The following NDFIP2 variants were observed in gnomAD, a reference collection of about 807,000 sequenced individuals.
The protein encoded by NDFIP2 is NEDD4 family-interacting protein 2.
In NDFIP2, 19 loss-of-function variants were observed where a neutral mutation model predicts 36.0. That is an observed-to-expected ratio of 0.53 (90% CI 0.37 to 0.77). NDFIP2 has a LOEUF of 0.77. NDFIP2 is among the 30% of genes least tolerant of loss of function. The pLI, the probability that NDFIP2 is intolerant of heterozygous loss-of-function variation, is 0.00. For synonymous variants in NDFIP2, 181 were observed against 167.7 expected, an observed-to-expected ratio of 1.08 and a Z score of -0.61; for missense variants, 446 against 435.8, an observed-to-expected ratio of 1.02 and a Z score of -0.21.
intron 1 of NDFIP2, among the ~76,000 whole-genome samples, chr13:79,485,314 C>A (rs949118266): frequency 2.0e-5 from 3 of 152,090 alleles, no homozygotes; most frequent in African/African-American, 7.2e-5. Context: ...GATCTTTGTT[C>A]CCTGTGTAAC....
chr13:79,496,514 C>G (rs994664123), intron 1 of NDFIP2, among the ~76,000 whole-genome samples: 1 of 151,730 alleles, frequency 6.6e-6, no homozygotes, highest in African/African-American at 2.4e-5. Flanking sequence ...AATGATAAGT[C>G]TAGGTGTAAT....
chr13:79,496,982 C>G (rs1344343493), intron 1 of NDFIP2, among the ~76,000 whole-genome samples: 1 of 151,782 alleles, frequency 6.6e-6, no homozygotes, highest in Non-Finnish European at 1.5e-5. Flanking sequence ...CTTTATAATC[C>G]TTATATGTTA....
intron 1 of NDFIP2, among the ~76,000 whole-genome samples, chr13:79,501,914 T>G (rs1217603818): frequency 1.3e-5 from 2 of 152,118 alleles, no homozygotes; most frequent in African/African-American, 4.8e-5. Context: ...ATAGACTGTG[T>G]TGACTTTTCC....
rs908309160 is a variant in NDFIP2 at position 79,554,484 on chromosome 13, A to G, written c.*1971A>G. 1.3e-5 allele frequency: 2 copies of G among 151,782 alleles called. No homozygotes were observed. The highest frequency in any genetic ancestry group is 1.3e-4 in the Admixed American group (2 of 15,214). 9.4% of individuals were successfully genotyped at this position (151,782 alleles called of 1,614,324 possible). A position where few individuals can be genotyped will look rare whatever the true frequency, so the allele number is the denominator to read the frequency against. On this transcript the variant is annotated 3_prime_UTR_variant, in exon 8 of 8. Coordinates refer to ENST00000218652, the MANE Select transcript of NDFIP2 (RefSeq NM_019080.3). ...ATATGTGCTTGTTTTCTGAATATGG[A>G]TACATGTTACTTTTGATCCAGCATC...
At chr13:79,548,935 A>G (rs755398239) in intron 6 of NDFIP2, among the ~76,000 whole-genome samples, 4 of 151,952 alleles carry the variant, frequency 2.6e-5, no homozygotes, top group Non-Finnish European at 4.4e-5. Context: ...TGGATTTTCA[A>G]TTTTTGTTCC....
rs953346670 is a variant in NDFIP2, at chr13:79,555,891, G to A, written c.*3378G>A. The A allele has an allele frequency of 1.3e-5, 2 of 152,040 alleles. No homozygotes were observed. The highest frequency in any genetic ancestry group is 2.4e-5 in the African/African-American group (1 of 41,398). The allele number at this position is 152,040 out of a possible 1,614,324, so 9.4% of individuals were successfully genotyped here. A position where few individuals can be genotyped will look rare whatever the true frequency, so the allele number is the denominator to read the frequency against. On this transcript the variant is annotated 3_prime_UTR_variant, in exon 8 of 8. Transcript: ENST00000218652. ...CCTTTTCAAAATCAGTTTAAGATTC[G>A]CATATTATCATGACTGTGACCTCAC...
rs3814278 is a variant in NDFIP2 at position 79,481,276 on chromosome 13, G to C, written c.73G>C (p.Glu25Gln). 9 of 1,537,612 alleles carry C rather than the reference G, an allele frequency of 5.9e-6. No individual in the cohort carries two copies. Among genetic ancestry groups the C allele is most frequent in the African/African-American group, 4.1e-5 (3 of 73,048 alleles). The change falls in exon 1 of 8, where the codon GAG (glutamate) becomes CAG (glutamine). Residue 25 changes from glutamate to glutamine, a missense_variant. Glu to Gln is a conservative substitution (Grantham distance 29). Around this residue, in one of 2 missense-constraint regions of NDFIP2, gnomAD observed 369 missense variants for 304.8 expected, o/e 1.21. Transcript: ENST00000218652. ...GCTCAATAGCGCGCGCGGCGCCCCG[G>C]AGCTTCTCCGCGGAACCGCGACCAA... is the stretch of plus-strand genomic sequence containing the variant. ...SMLNSARGAPELLRGTATNAE... is the reference protein window; with the variant it reads ...SMLNSARGAPQLLRGTATNAE...
chr13:79,530,013 C>T (rs1874951284), intron 2 of NDFIP2, among the ~76,000 whole-genome samples: 2 of 152,180 alleles, frequency 1.3e-5, no homozygotes, highest in African/African-American at 4.8e-5. Context: ...TAAAACTTTA[C>T]TGCTAAAAGA....
intron 2 of NDFIP2, among the ~76,000 whole-genome samples, chr13:79,533,053 C>T (rs1323969348): frequency 6.6e-6 from 1 of 152,128 alleles, no homozygotes; most frequent in African/African-American, 2.4e-5. Context: ...TCTTGTCTGG[C>T]ACTCTTTTTC....
chr13:79,524,533 G>A (rs1276821622), intron 2 of NDFIP2, among the ~76,000 whole-genome samples: 1 of 152,214 alleles, frequency 6.6e-6, no homozygotes, highest in African/African-American at 2.4e-5. Flanking sequence ...TCAAGGGACT[G>A]AAGCAATGAG....
At chr13:79,517,837 ATGTATTCAATGTAGTAAAGAG>A (rs1874412029) in intron 1 of NDFIP2, among the ~76,000 whole-genome samples, 1 of 152,200 alleles carries the variant, frequency 6.6e-6, no homozygotes, top group South Asian at 2.1e-4. Context: ...GAGCACATTT[ATGTATTCAATGTAGTAAAGAG>A]TGTTTTTTTT....
chr13:79,523,021 A>G (rs73551602), intron 2 of NDFIP2, among the ~76,000 whole-genome samples: 10,127 of 152,112 alleles, frequency 0.067, 708 homozygotes, highest in African/African-American at 0.17. Context: ...CTCCTTCTAC[A>G]GTCTCTCCTA....
chr13:79,490,136 C>G (rs558037590), intron 1 of NDFIP2, among the ~76,000 whole-genome samples: 38 of 152,194 alleles, frequency 2.5e-4, no homozygotes, highest in Non-Finnish European at 4.3e-4. Flanking sequence ...CCTTGCCTTT[C>G]CCTAGTTGTA....
chr13:79,483,849 G>A (rs2079828815), intron 1 of NDFIP2, among the ~76,000 whole-genome samples: 2 of 152,028 alleles, frequency 1.3e-5, no homozygotes, highest in Admixed American at 1.3e-4. Flanking sequence ...ATTCTTGATT[G>A]TTACCCTTCT....
chr13:79,548,448 A>C, intron 6 of NDFIP2, 54 bp downstream of exon 6: 1 of 1,313,028 alleles, frequency 7.6e-7, no homozygotes, highest in Non-Finnish European at 1.1e-6. Context: ...AAAAACTGTA[A>C]GATGTAAATA....
At chr13:79,485,892 C>T (rs1872964619) in intron 1 of NDFIP2, among the ~76,000 whole-genome samples, 1 of 152,162 alleles carries the variant, frequency 6.6e-6, no homozygotes, top group African/African-American at 2.4e-5. Flanking sequence ...CTGTTACTTT[C>T]TTCCTCATTT....
chr13:79,490,550 T>C (rs561898941), intron 1 of NDFIP2, among the ~76,000 whole-genome samples: 11 of 152,156 alleles, frequency 7.2e-5, no homozygotes, highest in Non-Finnish European at 1.3e-4. Context: ...TCACAGCTAC[T>C]CAGATCTGCC....
chr13:79,551,229 A>C, intron 7 of NDFIP2, 107 bp downstream of exon 7: 1 of 536,250 alleles, frequency 1.9e-6, no homozygotes, highest in Non-Finnish European at 3.2e-6. Context: ...CTGTTAGCAT[A>C]TTTAATATTT....
intron 2 of NDFIP2, among the ~76,000 whole-genome samples, 171 bp from the exon 3 acceptor site, chr13:79,533,152 A>C (rs2137100711): frequency 6.6e-6 from 1 of 152,306 alleles, no homozygotes; most frequent in East Asian, 1.9e-4. Flanking sequence ...TTTGGACTAA[A>C]GTAAGATATA....
Sources: gnomAD v4.1 joint callset for allele counts (sites outside exome capture counted in the v4.1 genomes callset) on GRCh38, gnomAD v4.1.1 for gene constraint, gnomAD v4.1.1 regional missense constraint, MANE v1.5 for transcripts, NCBI Gene and HGNC (gene_info 2026-07-23, HGNC 2026-07-21) for gene names.